Variants in PEAK1 observed in about 807,000 individuals in gnomAD.
PEAK1 encodes pseudopodium enriched atypical kinase 1.
A neutral mutation model predicts 124.7 loss-of-function variants in PEAK1; 54 were observed. That is an observed-to-expected ratio of 0.43 (90% CI 0.35 to 0.54). The LOEUF (loss-of-function observed/expected upper bound fraction) is 0.54, where lower values mean the gene tolerates loss of function less well. PEAK1 is among the 20% of genes least tolerant of loss of function. The probability of loss-of-function intolerance (pLI) is 0.01; values close to 1 mark genes in which losing one functional copy is unlikely to be tolerated. For missense variants in PEAK1, 2,046 were observed against 2,134.5 expected, an observed-to-expected ratio of 0.96 and a Z score of 0.82; for synonymous variants, 719 against 760.0, an observed-to-expected ratio of 0.95 and a Z score of 0.89.
At chr15:77,271,244 G>C (rs533353354) in intron 5 of PEAK1, among the ~76,000 whole-genome samples, 5 of 152,224 alleles carry the variant, frequency 3.3e-5, no homozygotes, top group African/African-American at 7.2e-5. Flanking sequence ...CCATCTCACA[G>C]CAGTTAGAAT....
rs1275566280 is a variant in PEAK1 at position 77,326,945 on chromosome 15, T to C, written c.-603+38218A>G. Among the ~76,000 whole-genome samples the C allele has an allele frequency of 2.0e-5, 3 of 152,144 alleles. No homozygotes were observed. The East Asian group carries it at 5.8e-4, about 29-fold the overall frequency. The stretch of plus-strand genomic sequence containing the variant: ...ATAATCCCAAAAGGGCCCACTATTA[T>C]TTGCCTCAAGTAAACATATTCAACA... On this transcript the variant is annotated intron_variant, in intron 2 of 9. Transcript: ENST00000682557.
chr15:77,355,447 C>T (rs1034761670), intron 2 of PEAK1, among the ~76,000 whole-genome samples: 12 of 152,150 alleles, frequency 7.9e-5, no homozygotes, highest in African/African-American at 2.7e-4. Flanking sequence ...TTAAAGTAAA[C>T]ACTTAGCAGA....
chr15:77,105,953 G>T (rs1466560398), downstream of PEAK1: 3 of 152,256 alleles, frequency 2.0e-5, no homozygotes, highest in Admixed American at 1.3e-4. Context: ...GATGTGATGG[G>T]GAAGGGGAAT....
rs1349979392 is a variant in PEAK1 at position 77,181,052 on chromosome 15, T to C, written c.875A>G (p.Asn292Ser). The change falls in exon 7 of 10, where the codon AAT becomes AGT. Residue 292 changes from asparagine (N) to serine (S), a missense_variant. Physicochemically the swap from Asn to Ser is conservative, Grantham distance 46. Coordinates refer to ENST00000682557, the MANE Select transcript of PEAK1 (RefSeq NM_001385026.1). ...AGACTTGTTTCGCAGGGGGATGGTA[T>C]TCCATTTTTTGTCCACAAAGAATCG... ...PVRFFVDKKWNTIPLRNKSLQ... is the reference protein window; with the variant it reads ...PVRFFVDKKWSTIPLRNKSLQ... 5 of 1,614,054 alleles carry C rather than the reference T, an allele frequency of 3.1e-6. No individual in the cohort carries two copies. Among genetic ancestry groups the C allele is most frequent in the African/African-American group, 1.3e-5 (1 of 74,940 alleles).
intron 6 of PEAK1, among the ~76,000 whole-genome samples, chr15:77,247,485 C>T (rs28784028): frequency 2.2e-3 from 187 of 84,352 alleles, no homozygotes; most frequent in African/African-American, 4.6e-3. Flanking sequence ...CTTTTCTTTT[C>T]TTTTTTTTTT....
intron 6 of PEAK1, among the ~76,000 whole-genome samples, chr15:77,182,749 C>CAAAAAAAA (rs71143395): frequency 0.019 from 1,204 of 65,046 alleles, 124 homozygotes; most frequent in African/African-American, 0.047. Flanking sequence ...GACCTTGTCT[C>CAAAAAAAA]AAAAAAAAAA....
At chr15:77,162,264 CAGGTGGATCACCTG>C (rs1431770355) in intron 7 of PEAK1, among the ~76,000 whole-genome samples, 1 of 151,830 alleles carries the variant, frequency 6.6e-6, no homozygotes, top group Non-Finnish European at 1.5e-5. Context: ...GAGGCCGATG[CAGGTGGATCACCTG>C]AGGTCAGGGG....
At chr15:77,121,018 CAT>C in intron 9 of PEAK1, among the ~76,000 whole-genome samples, 1 of 152,122 alleles carries the variant, frequency 6.6e-6, no homozygotes. Flanking sequence ...ATATCTTGTA[CAT>C]ATCTCTATTA....
At chr15:77,398,655 G>GT in intron 1 of PEAK1, among the ~76,000 whole-genome samples, 1 of 152,286 alleles carries the variant, frequency 6.6e-6, no homozygotes, top group South Asian at 2.1e-4. Flanking sequence ...ACCGCAGCTA[G>GT]TATCATACTG....
chr15:77,385,963 G>A (rs2069896338), intron 1 of PEAK1, among the ~76,000 whole-genome samples: 1 of 151,968 alleles, frequency 6.6e-6, no homozygotes, highest in Admixed American at 6.6e-5. Flanking sequence ...TGTGACCTTG[G>A]GCCAATTATT....
chr15:77,220,807 G>A (rs2059354284), intron 6 of PEAK1, among the ~76,000 whole-genome samples: 1 of 152,020 alleles, frequency 6.6e-6, no homozygotes, highest in Non-Finnish European at 1.5e-5. Flanking sequence ...ATGTCTCATA[G>A]ACAGTATAGC....
intron 6 of PEAK1, among the ~76,000 whole-genome samples, chr15:77,195,607 G>A (rs2058063677): frequency 6.6e-6 from 1 of 152,144 alleles, no homozygotes; most frequent in Non-Finnish European, 1.5e-5. Flanking sequence ...AGGCTGATGT[G>A]TGTAACCTTA....
At chr15:77,241,559 A>G (rs2060358069) in intron 6 of PEAK1, among the ~76,000 whole-genome samples, 1 of 152,132 alleles carries the variant, frequency 6.6e-6, no homozygotes, top group Non-Finnish European at 1.5e-5. Context: ...TGACATGACT[A>G]TGTATGTGAA....
chr15:77,300,927 C>A (rs2063752793), intron 2 of PEAK1, among the ~76,000 whole-genome samples: 1 of 152,122 alleles, frequency 6.6e-6, no homozygotes, highest in African/African-American at 2.4e-5. Flanking sequence ...GCTCGGCTCA[C>A]TGCAACCTCC....
chr15:77,362,401 A>G (rs1213556211), intron 2 of PEAK1, among the ~76,000 whole-genome samples: 7 of 152,204 alleles, frequency 4.6e-5, no homozygotes, highest in Non-Finnish European at 1.0e-4. Flanking sequence ...AGCATATTTA[A>G]AAAGTTCATA....
intron 2 of PEAK1, among the ~76,000 whole-genome samples, chr15:77,289,479 G>A (rs920247545): frequency 2.0e-5 from 3 of 152,126 alleles, no homozygotes; most frequent in African/African-American, 7.2e-5. Context: ...AATTCACAGA[G>A]GATTTCAACT....
In PEAK1 at chr15:77,270,168, T is replaced by C. The variant is rs188368105; in HGVS notation, c.-275+13715A>G. 4.8e-3 allele frequency among the ~76,000 whole-genome samples: 730 copies of C among 152,266 alleles called. 4 individuals are homozygous for C. The highest frequency in any genetic ancestry group is 0.016 in the African/African-American group (676 of 41,570). Reference sequence around the variant, plus strand: ...CTATTTATGACAAACCCACAGCCAATATCATACTGAATGGGCACAAACTGG... The same window carrying C: ...CTATTTATGACAAACCCACAGCCAACATCATACTGAATGGGCACAAACTGG... On this transcript the variant is annotated intron_variant, in intron 5 of 9. Transcript: ENST00000682557.
chr15:77,287,531 A>C (rs561960754), intron 2 of PEAK1, among the ~76,000 whole-genome samples: 8 of 152,202 alleles, frequency 5.3e-5, no homozygotes, highest in Non-Finnish European at 1.2e-4. Context: ...AGGCAAAGAC[A>C]TAGAACTTCT....
At chr15:77,379,908 GGA>G (rs2069336094) in intron 1 of PEAK1, among the ~76,000 whole-genome samples, 1 of 152,004 alleles carries the variant, frequency 6.6e-6, no homozygotes, top group African/African-American at 2.4e-5. Flanking sequence ...TACTTAATTT[GGA>G]TAACTACTCC....
Sources: gnomAD v4.1 joint callset for allele counts (sites outside exome capture counted in the v4.1 genomes callset) on GRCh38, gnomAD v4.1.1 for gene constraint, MANE v1.5 for transcripts, NCBI Gene and HGNC (gene_info 2026-07-23, HGNC 2026-07-21) for gene names.